Variants in ATAD1 observed in about 807,000 individuals in gnomAD.
The protein encoded by ATAD1 is ATPase family AAA domain containing 1, also known as outer mitochondrial transmembrane helix translocase.
In ATAD1, 18 loss-of-function variants were observed where a neutral mutation model predicts 42.7. The ratio of observed to expected loss-of-function variants is 0.42; its 90% CI spans 0.29 to 0.63. The LOEUF (loss-of-function observed/expected upper bound fraction) is 0.63. Among genes scored for constraint, ATAD1 ranks in the 20% least tolerant of loss-of-function variants. The probability of loss-of-function intolerance (pLI) is 0.19; values close to 1 mark genes in which losing one functional copy is unlikely to be tolerated. For missense variants in ATAD1, 294 were observed against 440.4 expected (o/e 0.67, Z 2.98); for synonymous variants, 132 against 143.1 (o/e 0.92, Z 0.55).
chr10:87,787,545 G>A (rs888133370), intron 4 of ATAD1, among the ~76,000 whole-genome samples: 2 of 152,166 alleles, frequency 1.3e-5, no homozygotes, highest in South Asian at 2.1e-4. Context: ...TTTGAGCCCA[G>A]GAGGCTGCAG....
chr10:87,764,418 C>T (rs1200611346), intron 8 of ATAD1, among the ~76,000 whole-genome samples: 8 of 152,024 alleles, frequency 5.3e-5, no homozygotes, highest in African/African-American at 1.4e-4. Flanking sequence ...GCAGAGATCA[C>T]GCCACTGTAC....
intron 1 of ATAD1, among the ~76,000 whole-genome samples, chr10:87,827,088 T>G (rs1857744092): frequency 6.6e-6 from 1 of 152,214 alleles, no homozygotes; most frequent in Non-Finnish European, 1.5e-5. Context: ...ACAAATATAG[T>G]CTCTGCCAAA....
At chr10:87,787,545 G>C (rs888133370) in intron 4 of ATAD1, among the ~76,000 whole-genome samples, 1 of 152,166 alleles carries the variant, frequency 6.6e-6, no homozygotes, top group Admixed American at 6.5e-5. Context: ...TTTGAGCCCA[G>C]GAGGCTGCAG....
At chr10:87,826,326 T>C (rs1477510614) in intron 1 of ATAD1, among the ~76,000 whole-genome samples, 1 of 152,264 alleles carries the variant, frequency 6.6e-6, no homozygotes, top group Non-Finnish European at 1.5e-5. Context: ...AGCCTGCTGC[T>C]TATTCAGTTG....
At chr10:87,792,460 C>A (rs1415150244) in intron 3 of ATAD1, among the ~76,000 whole-genome samples, 197 bp downstream of exon 3, 1 of 152,080 alleles carries the variant, frequency 6.6e-6, no homozygotes, top group African/African-American at 2.4e-5. Flanking sequence ...CATCCCATGC[C>A]CCCTTCCCTT....
chr10:87,756,929 C>T lies in ATAD1; in HGVS notation c.832-7G>A. On this transcript the variant is annotated splice_polypyrimidine_tract_variant and splice_region_variant and intron_variant, in intron 8 of 9. Coordinates refer to ENST00000680024, the MANE Select transcript of ATAD1 (RefSeq NM_001321967.2). ...GGTCTACATGCCTATCCACCTTAAA[C>T]AAATATAAAAACATGCTTAAAAAAC... 2.5e-6 allele frequency: 4 copies of T among 1,576,432 alleles called. No homozygotes were observed. The highest frequency in any genetic ancestry group is 2.7e-5 in the African/African-American group (2 of 72,830).
intron 1 of ATAD1, among the ~76,000 whole-genome samples, chr10:87,826,030 G>A (rs1857722529): frequency 6.6e-6 from 1 of 152,174 alleles, no homozygotes. Flanking sequence ...ACGTGTTTAA[G>A]GATGAAATAT....
chr10:87,811,617 A>G (rs1348102086), intron 2 of ATAD1, among the ~76,000 whole-genome samples: 1 of 152,244 alleles, frequency 6.6e-6, no homozygotes, highest in East Asian at 1.9e-4. Flanking sequence ...TTCTCAACAA[A>G]TATATGTATA....
In ATAD1 at chr10:87,751,577, G is replaced by A. The variant is rs1441904279; in HGVS notation, c.*3110C>T. 1 of 152,068 alleles carries A rather than the reference G, an allele frequency of 6.6e-6. No individual in the cohort carries two copies. Among genetic ancestry groups the A allele is most frequent in the Non-Finnish European group, 1.5e-5 (1 of 68,010 alleles). The allele number at this position is 152,068 out of a possible 1,614,324, so 9.4% of individuals were successfully genotyped here. A position where few individuals can be genotyped will look rare whatever the true frequency, so the allele number is the denominator to read the frequency against. On this transcript the variant is annotated 3_prime_UTR_variant, in exon 10 of 10. Transcript: ENST00000680024. ...TCAATATGATTTTCATTAACATCAT[G>A]ATTTAGGCAGAATGTTTTCCTATAC...
intron 1 of ATAD1, among the ~76,000 whole-genome samples, chr10:87,829,639 T>C (rs1003981413): frequency 9.2e-5 from 14 of 152,168 alleles, no homozygotes; most frequent in African/African-American, 3.4e-4. Context: ...TTGGAAGAAG[T>C]TGGTCCAACC....
At position 87,767,598 on chromosome 10, in the gene ATAD1, C is replaced by T. The variant is rs1008753692; in HGVS notation, c.831+75G>A. The T allele has an allele frequency of 2.2e-6, 3 of 1,338,078 alleles. No individual in the cohort carries two copies. In the African/African-American group the frequency reaches 4.4e-5, roughly 20 times the overall value. 82.9% of individuals were successfully genotyped at this position (1,338,078 alleles called of 1,614,324 possible). On this transcript the variant is annotated intron_variant, in intron 8 of 9. Transcript: ENST00000680024. ...GGGGTATATCATTCTCAGATTCCTT[C>T]CTCATTTTTCTCTAAAATAACTTTA...
upstream of ATAD1, chr10:87,818,612 C>T (rs2132086368): frequency 1.3e-5 from 2 of 152,464 alleles, 1 homozygote; most frequent in South Asian, 4.1e-4. Context: ...TGCAAACCCT[C>T]ACGCCGCGGC....
At chr10:87,792,777 A>G in intron 2 of ATAD1, 22 bp from the exon 3 acceptor site, 1 of 1,566,974 alleles carries the variant, frequency 6.4e-7, no homozygotes, top group Non-Finnish European at 8.8e-7. Flanking sequence ...AGAACAAACA[A>G]CCTGCTTTGA....
chr10:87,770,425 A>G lies in ATAD1; in HGVS notation c.780+527T>C, dbSNP rs571029484. Among the ~76,000 whole-genome samples the G allele has an allele frequency of 7.2e-5, 11 of 152,358 alleles. No homozygotes were observed. The East Asian group carries it at 2.1e-3, about 29-fold the overall frequency. On this transcript the variant is annotated intron_variant, in intron 7 of 9. Coordinates refer to ENST00000680024, the MANE Select transcript of ATAD1 (RefSeq NM_001321967.2). ...TACTTTTTAACTAACAAAAAATGCT[A>G]GAAAGAAGGCAGAACTGGTTTAACA...
At chr10:87,809,646 T>C (rs1299954903) in intron 2 of ATAD1, among the ~76,000 whole-genome samples, 1 of 70,170 alleles carries the variant, frequency 1.4e-5, no homozygotes, top group Non-Finnish European at 3.1e-5. Flanking sequence ...ATTAATTTTA[T>C]TTATTTATTT....
chr10:87,831,040 A>C (rs1274691618), intron 1 of ATAD1, among the ~76,000 whole-genome samples: 1 of 152,192 alleles, frequency 6.6e-6, no homozygotes. Context: ...TTTACCACTT[A>C]ATGACAGCAC....
chr10:87,814,361 C>G, intron 2 of ATAD1, 77 bp downstream of exon 2: 2 of 1,378,410 alleles, frequency 1.5e-6, no homozygotes, highest in Non-Finnish European at 1.9e-6. Context: ...AATTTGTGAA[C>G]TCTACCAAAT....
At chr10:87,837,837 T>A (rs923722954) in intron 1 of ATAD1, among the ~76,000 whole-genome samples, 1 of 152,204 alleles carries the variant, frequency 6.6e-6, no homozygotes, top group African/African-American at 2.4e-5. Flanking sequence ...TTGGAGCTTG[T>A]CACCACCTGC....
At chr10:87,825,476 A>AT (rs1857710203) in intron 1 of ATAD1, among the ~76,000 whole-genome samples, 1 of 151,656 alleles carries the variant, frequency 6.6e-6, no homozygotes, top group South Asian at 2.1e-4. Flanking sequence ...CACCCGGCTA[A>AT]TTTTTTGTAT....
Sources: gnomAD v4.1 joint callset for allele counts (sites outside exome capture counted in the v4.1 genomes callset) on GRCh38, gnomAD v4.1.1 for gene constraint, MANE v1.5 for transcripts, NCBI Gene and HGNC (gene_info 2026-07-23, HGNC 2026-07-21) for gene names.